The following ADAMTS9 variants were observed in gnomAD, a reference collection of about 807,000 sequenced individuals.
ADAMTS9 encodes ADAM metallopeptidase with thrombospondin type 1 motif 9.
Under a neutral mutation model 257.1 loss-of-function variants are expected in ADAMTS9, and 107 were observed. The observed-to-expected ratio is 0.42, with a 90% CI of 0.36 to 0.49. The LOEUF is 0.49. Ranked by LOEUF, ADAMTS9 falls within the 20% of genes least tolerant of loss-of-function variation. The pLI, the probability that ADAMTS9 is intolerant of heterozygous loss-of-function variation, is 0.03. For synonymous variants in ADAMTS9, 982 were observed against 880.9 expected (o/e 1.11, Z -2.03); for missense variants, 2,353 against 2,469.1 (o/e 0.95, Z 1.00).
chr3:64,536,640 C>T (rs2083053501), intron 37 of ADAMTS9, among the ~76,000 whole-genome samples: 1 of 152,170 alleles, frequency 6.6e-6, no homozygotes, highest in Non-Finnish European at 1.5e-5. Context: ...TGGGCAAATC[C>T]TCCCAATTTC....
Position 64,603,959 on chromosome 3 carries a change from G to A in ADAMTS9, c.3710C>T (p.Thr1237Ile), listed in dbSNP as rs1280891879. 5 of 1,613,870 alleles carry A rather than the reference G, an allele frequency of 3.1e-6. No individual in the cohort carries two copies. Among genetic ancestry groups the A allele is most frequent in the Non-Finnish European group, 4.2e-6 (5 of 1,179,990 alleles). ...RPVAKEECSV[T>I]PCGQWKALDW... ...CAAGGCCTTCCATTGCCCACAGGGT[G>A]TCACAGAACATTCTTCCTTTGCCAC... Residue 1237 changes from threonine to isoleucine, a missense_variant, in exon 25 of 40, where the codon ACA becomes ATA. Transcript: ENST00000498707.
At position 64,623,559 on chromosome 3, in the gene ADAMTS9, G is replaced by A. The variant is rs116123069; in HGVS notation, c.2390-973C>T. ...TCCCAAATTCCTTACATGAGAAACT[G>A]AGAGATAGTATATATTTGTTGTTCT... On this transcript the variant is annotated intron_variant, in intron 16 of 39. Transcript: ENST00000498707. Among the ~76,000 whole-genome samples the A allele has an allele frequency of 8.7e-3, 1,332 of 152,268 alleles. 15 individuals are homozygous for A. The highest frequency in any genetic ancestry group is 0.027 in the Middle Eastern group (8 of 294).
intron 30 of ADAMTS9, among the ~76,000 whole-genome samples, chr3:64,560,545 G>A (rs73120258): frequency 0.015 from 2,225 of 152,216 alleles, 33 homozygotes; most frequent in Non-Finnish European, 0.019. Flanking sequence ...CACTTGCTAG[G>A]TGCTAGGTAT....
intron 32 of ADAMTS9, among the ~76,000 whole-genome samples, chr3:64,545,760 T>A (rs540894029): frequency 8.9e-4 from 136 of 152,142 alleles, no homozygotes; most frequent in Non-Finnish European, 1.7e-3. Context: ...AGTATAATAA[T>A]AAAAAAATTA....
chr3:64,682,307 C>T (rs1304735674), intron 2 of ADAMTS9, among the ~76,000 whole-genome samples: 2 of 152,222 alleles, frequency 1.3e-5, no homozygotes, highest in Non-Finnish European at 2.9e-5. Flanking sequence ...AAATGCCTGA[C>T]ACCTTGCAAA....
At chr3:64,556,204 G>C (rs986026943) in intron 30 of ADAMTS9, among the ~76,000 whole-genome samples, 1 of 152,206 alleles carries the variant, frequency 6.6e-6, no homozygotes, top group African/African-American at 2.4e-5. Context: ...CAGCAGCGAG[G>C]TGAGCAGTTC....
At chr3:64,605,274 T>C (rs1007079857) in intron 23 of ADAMTS9, among the ~76,000 whole-genome samples, 14 of 152,180 alleles carry the variant, frequency 9.2e-5, no homozygotes, top group African/African-American at 3.4e-4. Flanking sequence ...TAAAGGGAAA[T>C]ATATTTTGAA....
intron 3 of ADAMTS9, among the ~76,000 whole-genome samples, chr3:64,661,839 T>C (rs998034109): frequency 6.6e-6 from 1 of 152,164 alleles, no homozygotes; most frequent in South Asian, 2.1e-4. Flanking sequence ...CTGTAAATAT[T>C]ACAATTTGAT....
rs149190961 is a variant in ADAMTS9 at position 64,659,055 on chromosome 3, G to A, written c.680-264C>T. ...CCGAGCTTAAGGGAAACAATTGCAC[G>A]TGATTCTTATTCATTTGTTAACAAA... On this transcript the variant is annotated intron_variant, in intron 3 of 39. Transcript: ENST00000498707. Among the ~76,000 whole-genome samples the A allele has an allele frequency of 1.8e-3, 277 of 152,268 alleles. 1 individual carries two copies. The highest frequency in any genetic ancestry group is 5.4e-3 in the East Asian group (28 of 5,182).
intron 12 of ADAMTS9, among the ~76,000 whole-genome samples, chr3:64,636,154 C>T (rs1369223728): frequency 6.6e-6 from 1 of 152,072 alleles, no homozygotes; most frequent in Non-Finnish European, 1.5e-5. Flanking sequence ...AGCAGTTCTT[C>T]GGACTGCAAA....
At chr3:64,685,300 G>A (rs1479223430) in intron 2 of ADAMTS9, 1 of 152,284 alleles carries the variant, frequency 6.6e-6, no homozygotes, top group Non-Finnish European at 1.5e-5. Flanking sequence ...TAAGACCCAC[G>A]AACGACAGCG....
rs1701931056 is a variant in ADAMTS9, at chr3:64,687,004, T to G, written c.116-36A>C. ...AAGCAGAGGTATATGAACCAATAAT[T>G]CATTTTTCCTTAAGCTTTAATTTAA... is the stretch of plus-strand genomic sequence containing the variant. On this transcript the variant is annotated intron_variant, in intron 1 of 39. Coordinates refer to ENST00000498707, the MANE Select transcript of ADAMTS9 (RefSeq NM_182920.2). The surrounding 1 kb of genome is among the most constrained non-coding windows in gnomAD (Gnocchi z 4.4). 6.4e-7 allele frequency: 1 copy of G among 1,574,174 alleles called. No homozygotes were observed. Among genetic ancestry groups the G allele is most frequent in the African/African-American group, 1.4e-5 (1 of 73,142 alleles).
chr3:64,650,749 CTT>C, intron 9 of ADAMTS9: 1 of 363,212 alleles, frequency 2.8e-6, no homozygotes. Flanking sequence ...AATCTCAAAA[CTT>C]TACCCAAAAT....
intron 16 of ADAMTS9, among the ~76,000 whole-genome samples, chr3:64,623,327 A>G (rs971554736): frequency 1.3e-5 from 2 of 152,182 alleles, no homozygotes; most frequent in African/African-American, 4.8e-5. Flanking sequence ...GCCAGCTGCC[A>G]TGTTGTGAGG....
intron 37 of ADAMTS9, among the ~76,000 whole-genome samples, chr3:64,537,306 A>G (rs556173388): frequency 6.6e-6 from 1 of 152,212 alleles, no homozygotes; most frequent in Non-Finnish European, 1.5e-5. Context: ...AGCTTCCCAA[A>G]GGATGTGCAT....
intron 38 of ADAMTS9, among the ~76,000 whole-genome samples, chr3:64,524,727 A>C (rs1191095335): frequency 6.6e-6 from 1 of 152,222 alleles, no homozygotes; most frequent in Non-Finnish European, 1.5e-5. Flanking sequence ...AATCTTTACT[A>C]TCTGGCACTT....
chr3:64,553,410 C>A (rs1411951984), intron 30 of ADAMTS9, among the ~76,000 whole-genome samples: 2 of 152,156 alleles, frequency 1.3e-5, no homozygotes, highest in African/African-American at 4.8e-5. Context: ...GAATAAGATT[C>A]TGTTGTACGG....
chr3:64,559,205 C>A (rs80172117), intron 30 of ADAMTS9, among the ~76,000 whole-genome samples: 4 of 152,144 alleles, frequency 2.6e-5, no homozygotes, highest in Non-Finnish European at 5.9e-5. Flanking sequence ...CAGTTACTGT[C>A]GTCCTTCACG....
chr3:64,607,210 A>G (rs1559789000), intron 22 of ADAMTS9, 131 bp from the exon 23 acceptor site: 1 of 1,202,908 alleles, frequency 8.3e-7, no homozygotes, highest in Non-Finnish European at 1.2e-6. Flanking sequence ...CAAATAAACT[A>G]GGTCGAAGTG....
Sources: allele counts gnomAD v4.1 joint callset (sites outside exome capture counted in the v4.1 genomes callset), GRCh38; gene constraint gnomAD v4.1.1; non-coding constraint Gnocchi (gnomAD v3.1); transcripts MANE v1.5; gene names NCBI Gene and HGNC (gene_info 2026-07-23, HGNC 2026-07-21).